INPP4B: variants seen among roughly 807,000 people sequenced by gnomAD.
INPP4B encodes inositol polyphosphate 4-phosphatase type II.
In INPP4B, 55 loss-of-function variants were observed where a neutral mutation model predicts 122.5. That is an observed-to-expected ratio of 0.45 (90% CI 0.36 to 0.56). The LOEUF (loss-of-function observed/expected upper bound fraction) is 0.56. Ranked by LOEUF, INPP4B falls within the 20% of genes least tolerant of loss-of-function variation. The pLI is 0.00. For synonymous variants in INPP4B, 403 were observed against 388.7 expected, an observed-to-expected ratio of 1.04 and a Z score of -0.43; for missense variants, 1,000 against 1,097.7, an observed-to-expected ratio of 0.91 and a Z score of 1.26.
chr4:142,735,778 C>T (rs74476693), intron 1 of INPP4B, among the ~76,000 whole-genome samples: 3,447 of 152,216 alleles, frequency 0.023, 59 homozygotes, highest in Middle Eastern at 0.095. Context: ...GTATGTCCCC[C>T]ACAAATTCTA....
At chr4:142,442,613 C>T (rs1299695100) in intron 3 of INPP4B, among the ~76,000 whole-genome samples, 1 of 152,070 alleles carries the variant, frequency 6.6e-6, no homozygotes, top group Non-Finnish European at 1.5e-5. Context: ...GACTCCCACC[C>T]TAACTTCAAG....
chr4:142,232,219 T>C (rs1854698937), intron 12 of INPP4B, among the ~76,000 whole-genome samples: 1 of 152,210 alleles, frequency 6.6e-6, no homozygotes, highest in Non-Finnish European at 1.5e-5. Context: ...ATTTATTGTG[T>C]TTTACTGTGC....
intron 1 of INPP4B, among the ~76,000 whole-genome samples, chr4:142,837,280 G>T (rs976254702): frequency 6.6e-6 from 1 of 152,006 alleles, no homozygotes; most frequent in Admixed American, 6.6e-5. Context: ...TTTCAAAAAT[G>T]TTCAATCTCA....
At chr4:142,630,120 G>A (rs965051001) in intron 2 of INPP4B, among the ~76,000 whole-genome samples, 2 of 152,028 alleles carry the variant, frequency 1.3e-5, no homozygotes, top group African/African-American at 4.8e-5. Context: ...TTCTGTTCCC[G>A]CCATGATGAA....
intron 2 of INPP4B, among the ~76,000 whole-genome samples, chr4:142,677,486 T>C (rs566061078): frequency 9.9e-5 from 15 of 152,152 alleles, no homozygotes; most frequent in Non-Finnish European, 1.9e-4. Context: ...AGCAATCCCA[T>C]TACCGTGTAA....
At position 142,122,261 on chromosome 4, in the gene INPP4B, G is replaced by C; in HGVS notation, c.2018-16C>G. ...ATTTCATCGCCTAAACAATAGAAAA[G>C]GCACTTAGCTACAAACAAACATTTG... On this transcript the variant is annotated splice_polypyrimidine_tract_variant and intron_variant, in intron 20 of 25. Coordinates refer to ENST00000262992, the MANE Select transcript of INPP4B (RefSeq NM_001101669.3). The C allele has an allele frequency of 1.9e-6, 3 of 1,553,716 alleles. No individual in the cohort carries two copies. Among genetic ancestry groups the C allele is most frequent in the Non-Finnish European group, 2.7e-6 (3 of 1,129,536 alleles).
intron 11 of INPP4B, among the ~76,000 whole-genome samples, chr4:142,249,418 T>A (rs1730824605): frequency 6.6e-6 from 1 of 152,088 alleles, no homozygotes; most frequent in African/African-American, 2.4e-5. Flanking sequence ...CTTTAAAACT[T>A]TTTTTAATGT....
At chr4:142,461,698 C>T (rs1247213379) in intron 3 of INPP4B, among the ~76,000 whole-genome samples, 2 of 152,150 alleles carry the variant, frequency 1.3e-5, no homozygotes, top group Admixed American at 6.5e-5. Flanking sequence ...ACAAAAGAAA[C>T]TTCTTAAAAT....
chr4:142,644,905 CAAAA>C (rs72460445), intron 2 of INPP4B, among the ~76,000 whole-genome samples: 953 of 66,176 alleles, frequency 0.014, 10 homozygotes, highest in African/African-American at 0.054. Flanking sequence ...GACTCCATCT[CAAAA>C]AAAAAAAAAA....
chr4:142,451,364 C>T (rs896005026), intron 3 of INPP4B, among the ~76,000 whole-genome samples: 72 of 150,740 alleles, frequency 4.8e-4, no homozygotes, highest in Admixed American at 6.7e-4. Context: ...AATTCTCCTG[C>T]CTCAGCCTCC....
chr4:142,253,049 A>G lies in INPP4B; in HGVS notation c.688+7443T>C, dbSNP rs1579458615. 3.3e-5 allele frequency among the ~76,000 whole-genome samples: 5 copies of G among 152,310 alleles called. No individual in the cohort carries two copies. The South Asian group carries it at 1.0e-3, about 32-fold the overall frequency. ...GTATAGTATGTTACTGTGCATAAATATGTAGGTAACCACACCACAATGGTA... is the reference window on the plus strand; with the variant it reads ...GTATAGTATGTTACTGTGCATAAATGTGTAGGTAACCACACCACAATGGTA... On this transcript the variant is annotated intron_variant, in intron 11 of 25. Coordinates refer to ENST00000262992, the MANE Select transcript of INPP4B (RefSeq NM_001101669.3).
At chr4:142,345,593 A>G (rs1780042423) in intron 7 of INPP4B, among the ~76,000 whole-genome samples, 1 of 152,046 alleles carries the variant, frequency 6.6e-6, no homozygotes, top group Admixed American at 6.6e-5. Flanking sequence ...TGGGAAACCA[A>G]AACATGGATT....
At chr4:142,412,382 G>A (rs148006431) in intron 5 of INPP4B, among the ~76,000 whole-genome samples, 1 of 152,018 alleles carries the variant, frequency 6.6e-6, no homozygotes, top group East Asian at 1.9e-4. Flanking sequence ...TTTTAAGACA[G>A]CAATTTTCTG....
intron 1 of INPP4B, among the ~76,000 whole-genome samples, chr4:142,806,195 C>CGTG (rs1778674854): frequency 7.3e-6 from 1 of 136,764 alleles, no homozygotes; most frequent in Non-Finnish European, 1.5e-5. Flanking sequence ...AGGAGAATGG[C>CGTG]GTGAACCCGG....
chr4:142,059,320 A>G (rs1401256363), intron 25 of INPP4B, among the ~76,000 whole-genome samples: 1 of 152,114 alleles, frequency 6.6e-6, no homozygotes, highest in Non-Finnish European at 1.5e-5. Flanking sequence ...AGCCCCTGAC[A>G]GTGCCCCATA....
chr4:142,406,341 A>G (rs1803363893), intron 5 of INPP4B, among the ~76,000 whole-genome samples: 1 of 152,174 alleles, frequency 6.6e-6, no homozygotes, highest in South Asian at 2.1e-4. Flanking sequence ...TTCTCAGACC[A>G]TAACAGGAAG....
chr4:142,572,745 A>G (rs537227127), intron 2 of INPP4B, among the ~76,000 whole-genome samples: 2 of 152,058 alleles, frequency 1.3e-5, no homozygotes, highest in South Asian at 4.1e-4. Flanking sequence ...CTTTAATTGT[A>G]CAATGTGAGA....
At chr4:142,245,962 A>G (rs1382122753) in intron 11 of INPP4B, among the ~76,000 whole-genome samples, 2 of 20,622 alleles carry the variant, frequency 9.7e-5, no homozygotes, top group African/African-American at 2.6e-4. Flanking sequence ...ATATATGTGT[A>G]TGTATACACA....
intron 9 of INPP4B, among the ~76,000 whole-genome samples, chr4:142,280,417 T>G (rs753463747): frequency 6.6e-6 from 1 of 151,980 alleles, no homozygotes; most frequent in East Asian, 1.9e-4. Flanking sequence ...GACATTGGAC[T>G]GAATGAATGA....
Sources: allele counts gnomAD v4.1 joint callset (sites outside exome capture counted in the v4.1 genomes callset), GRCh38; gene constraint gnomAD v4.1.1; transcripts MANE v1.5; gene names NCBI Gene and HGNC (gene_info 2026-07-23, HGNC 2026-07-21).